Variants in CDH11 observed in about 807,000 individuals in gnomAD.
CDH11 encodes cadherin 11, also known as cadherin-11.
In CDH11, 11 loss-of-function variants were observed where a neutral mutation model predicts 67.8. That is an observed-to-expected ratio of 0.16 (90% CI 0.10 to 0.27). The LOEUF (loss-of-function observed/expected upper bound fraction) is 0.27, where lower values mean the gene tolerates loss of function less well. Among genes scored for constraint, CDH11 ranks in the 10% least tolerant of loss-of-function variants. The pLI is 1.00. For synonymous variants in CDH11, 419 were observed against 400.0 expected, an observed-to-expected ratio of 1.05 and a Z score of -0.57; for missense variants, 847 against 1,031.2, an observed-to-expected ratio of 0.82 and a Z score of 2.45.
At chr16:65,120,147 T>C (rs1462531458) in intron 1 of CDH11, among the ~76,000 whole-genome samples, 3 of 152,232 alleles carry the variant, frequency 2.0e-5, no homozygotes, top group Admixed American at 2.0e-4. Context: ...TTCTGGTGTC[T>C]GCACCTACGT....
rs2075321423 is a variant in CDH11 at position 65,121,118 on chromosome 16, G to A, written c.-298+762C>T. ...GTTAACGTTGACCCTGGCAGCTTTC[G>A]CCAATCCCAAGCCAGAGGCGAGCCC... is the stretch of plus-strand genomic sequence containing the variant. On this transcript the variant is annotated intron_variant, in intron 1 of 12. Coordinates refer to ENST00000268603, the MANE Select transcript of CDH11 (RefSeq NM_001797.4). The surrounding 1 kb of genome is among the most constrained non-coding windows in gnomAD (Gnocchi z 4.1). Among the ~76,000 whole-genome samples the A allele has an allele frequency of 6.6e-6, 1 of 152,110 alleles. No homozygotes were observed. Among genetic ancestry groups the A allele is most frequent in the African/African-American group, 2.4e-5 (1 of 41,422 alleles).
chr16:65,086,962 T>G (rs1440503984), intron 1 of CDH11, among the ~76,000 whole-genome samples: 1 of 152,202 alleles, frequency 6.6e-6, no homozygotes, highest in Non-Finnish European at 1.5e-5. Flanking sequence ...TGGAAACATC[T>G]ACGTCAAATA....
At chr16:65,027,747 A>T (rs976987009) in intron 2 of CDH11, among the ~76,000 whole-genome samples, 2 of 152,196 alleles carry the variant, frequency 1.3e-5, no homozygotes, top group Non-Finnish European at 2.9e-5. Flanking sequence ...TTCTGAATAC[A>T]ACCATGACAT....
chr16:65,102,544 G>A (rs1261980409), intron 1 of CDH11, among the ~76,000 whole-genome samples: 1 of 152,194 alleles, frequency 6.6e-6, no homozygotes, highest in Non-Finnish European at 1.5e-5. Context: ...GTAGCCAAAG[G>A]GATATAGACA....
intron 12 of CDH11, chr16:64,948,608 C>T (rs1346647524): frequency 3.7e-6 from 6 of 1,609,394 alleles, no homozygotes; most frequent in East Asian, 2.2e-5. Flanking sequence ...GGAAGTCTTA[C>T]CGTAAGTGTG....
At chr16:65,063,465 A>T (rs907119682) in intron 1 of CDH11, among the ~76,000 whole-genome samples, 25 of 152,320 alleles carry the variant, frequency 1.6e-4, no homozygotes, top group African/African-American at 5.5e-4. Flanking sequence ...TCTGCAAATC[A>T]GTGGATCAGA....
chr16:64,971,504 C>G, intron 11 of CDH11, 75 bp downstream of exon 11: 3 of 798,986 alleles, frequency 3.8e-6, no homozygotes, highest in South Asian at 1.6e-5. Flanking sequence ...AGTGAAAATA[C>G]TTGTGCTATG....
At chr16:64,967,132 T>C (rs2071856589) in intron 11 of CDH11, among the ~76,000 whole-genome samples, 1 of 152,200 alleles carries the variant, frequency 6.6e-6, no homozygotes, top group Non-Finnish European at 1.5e-5. Context: ...GTTTTACCAA[T>C]GGTATTAAAA....
intron 2 of CDH11, among the ~76,000 whole-genome samples, chr16:65,009,281 A>C (rs2073127945): frequency 6.6e-6 from 1 of 152,204 alleles, no homozygotes; most frequent in South Asian, 2.1e-4. Context: ...ATTTTATATC[A>C]ATGACCAAAG....
intron 2 of CDH11, 129 bp from the exon 3 acceptor site, chr16:65,005,170 G>C: frequency 1.3e-6 from 1 of 779,802 alleles, no homozygotes; most frequent in Non-Finnish European, 1.8e-6. Context: ...GAAGCTCACT[G>C]ACTGCTTTGA....
At chr16:65,097,814 T>G (rs1321057340) in intron 1 of CDH11, among the ~76,000 whole-genome samples, 13 of 152,146 alleles carry the variant, frequency 8.5e-5, no homozygotes, top group Non-Finnish European at 1.5e-5. Context: ...TACTGGGGAC[T>G]TTTGATCAGA....
Position 65,088,352 on chromosome 16 carries a change from G to A in CDH11, c.-298+33528C>T, listed in dbSNP as rs545952941. Among the ~76,000 whole-genome samples the A allele has an allele frequency of 1.2e-4, 19 of 152,274 alleles. No individual in the cohort carries two copies. In the South Asian group the frequency reaches 2.7e-3, roughly 22 times the overall value. On this transcript the variant is annotated intron_variant, in intron 1 of 12. Coordinates refer to ENST00000268603, the MANE Select transcript of CDH11 (RefSeq NM_001797.4). ...AAATAAGACAACTGAATAATGAATG[G>A]ATAATCCTGTCACCCAGTGATAACT... is the stretch of plus-strand genomic sequence containing the variant.
intron 11 of CDH11, among the ~76,000 whole-genome samples, chr16:64,955,066 GA>G (rs2071472609): frequency 6.6e-6 from 1 of 151,950 alleles, no homozygotes; most frequent in Admixed American, 6.6e-5. Flanking sequence ...CTAATGCGGT[GA>G]AACACCGTCT....
intron 11 of CDH11, among the ~76,000 whole-genome samples, chr16:64,967,011 T>G (rs567452304): frequency 5.9e-5 from 9 of 152,166 alleles, no homozygotes; most frequent in Non-Finnish European, 1.2e-4. Context: ...CTTTAAATGA[T>G]GAAAGTAACT....
In CDH11 at chr16:65,004,942, G is replaced by C; in HGVS notation, c.-73C>G. The stretch of plus-strand genomic sequence containing the variant: ...ACCAACTGTACGGTGGTCTTGCTGA[G>C]GGTGGCCTCCCGGACGCGTCACGCA... On this transcript the variant is annotated 5_prime_UTR_variant, in exon 3 of 13. Transcript: ENST00000268603. 6.9e-7 allele frequency: 1 copy of C among 1,443,050 alleles called. No homozygotes were observed. Among genetic ancestry groups the C allele is most frequent in the Non-Finnish European group, 9.1e-7 (1 of 1,093,594 alleles). 89.4% of individuals were successfully genotyped at this position (1,443,050 alleles called of 1,614,324 possible). A position where few individuals can be genotyped will look rare whatever the true frequency, so the allele number is the denominator to read the frequency against.
At chr16:65,062,952 C>A (rs1366770113) in intron 1 of CDH11, among the ~76,000 whole-genome samples, 1 of 152,232 alleles carries the variant, frequency 6.6e-6, no homozygotes, top group Non-Finnish European at 1.5e-5. Context: ...TGCTCTACAT[C>A]CTCATCACAC....
intron 2 of CDH11, among the ~76,000 whole-genome samples, chr16:65,021,590 T>TG (rs2073425631): frequency 8.1e-6 from 1 of 123,832 alleles, no homozygotes; most frequent in Non-Finnish European, 1.9e-5. Context: ...ATATATATAT[T>TG]AGTTATCCAT....
intron 2 of CDH11, among the ~76,000 whole-genome samples, chr16:65,044,927 G>A (rs1047514709): frequency 6.6e-6 from 1 of 152,066 alleles, no homozygotes; most frequent in African/African-American, 2.4e-5. Flanking sequence ...CTGGGGAAGA[G>A]AGAATAGAGC....
intron 1 of CDH11, among the ~76,000 whole-genome samples, chr16:65,096,990 A>G (rs2074909289): frequency 6.6e-6 from 1 of 152,178 alleles, no homozygotes; most frequent in South Asian, 2.1e-4. Context: ...TGGCAAAAGC[A>G]GTACACAGTA....
Sources: allele counts gnomAD v4.1 joint callset (sites outside exome capture counted in the v4.1 genomes callset), GRCh38; gene constraint gnomAD v4.1.1; non-coding constraint Gnocchi (gnomAD v3.1); transcripts MANE v1.5; gene names NCBI Gene and HGNC (gene_info 2026-07-23, HGNC 2026-07-21).